PCDH9: variants seen among roughly 807,000 people sequenced by gnomAD.
The protein encoded by PCDH9 is protocadherin-9.
PCDH9 carries 24 observed loss-of-function variants against 70.6 expected under a neutral mutation model. That is an observed-to-expected ratio of 0.34 (90% confidence interval 0.25 to 0.48). The LOEUF (loss-of-function observed/expected upper bound fraction) is 0.48, where lower values mean the gene tolerates loss of function less well. PCDH9 is among the 20% of genes least tolerant of loss of function. The pLI, the probability that PCDH9 is intolerant of heterozygous loss-of-function variation, is 0.99. For missense variants in PCDH9, 1,281 were observed against 1,503.6 expected (o/e 0.85, Z 2.45); for synonymous variants, 562 against 558.5 (o/e 1.01, Z -0.09).
chr13:66,930,730 GA>G (rs1184956493), intron 2 of PCDH9, among the ~76,000 whole-genome samples: 1 of 151,512 alleles, frequency 6.6e-6, no homozygotes, highest in Non-Finnish European at 1.5e-5. Flanking sequence ...CTTACATCTA[GA>G]AAAAAAACAA....
intron 3 of PCDH9, among the ~76,000 whole-genome samples, chr13:66,799,893 G>C (rs991565226): frequency 1.3e-5 from 2 of 152,078 alleles, no homozygotes; most frequent in Admixed American, 6.6e-5. Flanking sequence ...CATTGCCTGA[G>C]TCTGACTGTA....
At chr13:66,868,867 T>A (rs2081621957) in intron 3 of PCDH9, among the ~76,000 whole-genome samples, 1 of 152,136 alleles carries the variant, frequency 6.6e-6, no homozygotes, top group Non-Finnish European at 1.5e-5. Context: ...GAATTGTAGT[T>A]TTAAAACGTG....
chr13:66,407,446 G>C (rs1174866366), intron 4 of PCDH9, among the ~76,000 whole-genome samples: 4 of 152,128 alleles, frequency 2.6e-5, no homozygotes, highest in Non-Finnish European at 5.9e-5. Flanking sequence ...CCAATTGTGT[G>C]GTCTGGCCTT....
intron 3 of PCDH9, among the ~76,000 whole-genome samples, chr13:66,884,906 A>G (rs2081982972): frequency 6.6e-6 from 1 of 152,152 alleles, no homozygotes; most frequent in African/African-American, 2.4e-5. Context: ...TTATATTCTT[A>G]TATTCTATTA....
At chr13:67,091,059 T>C (rs1398334609) in intron 2 of PCDH9, among the ~76,000 whole-genome samples, 2 of 152,092 alleles carry the variant, frequency 1.3e-5, no homozygotes, top group Non-Finnish European at 2.9e-5. Context: ...GATCTGGCAG[T>C]GGTTATGAAA....
rs142249884 is a variant in PCDH9 at position 67,199,050 on chromosome 13, T to G, written c.3036+26355A>C. ...TAACATGTCTTAAAATCTGATTGTA[T>G]AAAAGATAACTAAACTGATCATATT... is the stretch of plus-strand genomic sequence containing the variant. On this transcript the variant is annotated intron_variant, in intron 2 of 4. Coordinates refer to ENST00000377865, the MANE Select transcript of PCDH9 (RefSeq NM_203487.3). 3.1e-3 allele frequency among the ~76,000 whole-genome samples: 467 copies of G among 151,774 alleles called. 1 individual carries two copies. Among genetic ancestry groups the G allele is most frequent in the African/African-American group, 0.011 (457 of 41,572 alleles).
intron 4 of PCDH9, among the ~76,000 whole-genome samples, chr13:66,561,907 T>A (rs1962062830): frequency 6.6e-6 from 1 of 152,100 alleles, no homozygotes. Context: ...TCTTTCGCTC[T>A]TGGCAATAAA....
At chr13:67,043,328 G>A (rs1220131866) in intron 2 of PCDH9, among the ~76,000 whole-genome samples, 1 of 152,132 alleles carries the variant, frequency 6.6e-6, no homozygotes, top group Non-Finnish European at 1.5e-5. Context: ...GTGGCATGAA[G>A]CAAGCCAGTT....
At chr13:66,497,146 C>A (rs1959129711) in intron 4 of PCDH9, among the ~76,000 whole-genome samples, 1 of 151,848 alleles carries the variant, frequency 6.6e-6, no homozygotes, top group Admixed American at 6.6e-5. Context: ...TGGCTCACTG[C>A]AACCTCCTCT....
chr13:66,619,143 T>C (rs1011566509), intron 4 of PCDH9, among the ~76,000 whole-genome samples: 6 of 152,162 alleles, frequency 3.9e-5, no homozygotes, highest in African/African-American at 1.4e-4. Flanking sequence ...CTACATTAAG[T>C]AATATTATAG....
At chr13:67,050,372 C>T (rs372111653) in intron 2 of PCDH9, among the ~76,000 whole-genome samples, 18 of 152,242 alleles carry the variant, frequency 1.2e-4, no homozygotes, top group African/African-American at 4.1e-4. Flanking sequence ...TCAGTTCCTA[C>T]CATATTGGTA....
chr13:66,361,160 C>T (rs1019932947), intron 4 of PCDH9, among the ~76,000 whole-genome samples: 1 of 152,192 alleles, frequency 6.6e-6, no homozygotes, highest in African/African-American at 2.4e-5. Context: ...ACTGGATCTA[C>T]GGACCCACAA....
At chr13:66,875,379 A>G (rs2081786714) in intron 3 of PCDH9, among the ~76,000 whole-genome samples, 1 of 152,172 alleles carries the variant, frequency 6.6e-6, no homozygotes, top group Non-Finnish European at 1.5e-5. Flanking sequence ...ATTCAAGCAT[A>G]TGTTATGCTT....
intron 2 of PCDH9, among the ~76,000 whole-genome samples, chr13:67,109,923 T>C (rs2086621703): frequency 6.6e-6 from 1 of 152,174 alleles, no homozygotes; most frequent in South Asian, 2.1e-4. Flanking sequence ...TACAATATTG[T>C]TATTTTTAAC....
chr13:66,743,613 G>T (rs1314810597), intron 3 of PCDH9, among the ~76,000 whole-genome samples: 2 of 151,990 alleles, frequency 1.3e-5, no homozygotes, highest in African/African-American at 4.8e-5. Context: ...ACAATGTATT[G>T]TATGCTCAAA....
In PCDH9 at chr13:66,949,193, A is replaced by G. The variant is rs1006066630; in HGVS notation, c.3037-45588T>C. Reference sequence around the variant, plus strand: ...GATTCTAGCATTTATCCAAAATGGTATTTCCCTTTTAGGTGTGCATTATAG... The same window carrying G: ...GATTCTAGCATTTATCCAAAATGGTGTTTCCCTTTTAGGTGTGCATTATAG... On this transcript the variant is annotated intron_variant, in intron 2 of 4. Coordinates refer to ENST00000377865, the MANE Select transcript of PCDH9 (RefSeq NM_203487.3). Among the ~76,000 whole-genome samples the G allele has an allele frequency of 2.6e-5, 4 of 152,150 alleles. No homozygotes were observed. In the South Asian group the frequency reaches 8.3e-4, roughly 31 times the overall value.
intron 1 of PCDH9, 38 bp from the exon 2 acceptor site, chr13:67,228,613 T>C: frequency 2.2e-6 from 1 of 464,892 alleles, no homozygotes; most frequent in Non-Finnish European, 3.8e-6. Context: ...TATTCTTCAG[T>C]AAATAAAAAC....
At chr13:67,067,827 AACT>A (rs1305524948) in intron 2 of PCDH9, among the ~76,000 whole-genome samples, 1 of 151,936 alleles carries the variant, frequency 6.6e-6, no homozygotes, top group African/African-American at 2.4e-5. Flanking sequence ...AAAGATTGAA[AACT>A]AGTTTGGTAG....
intron 2 of PCDH9, among the ~76,000 whole-genome samples, chr13:67,088,910 T>C (rs1017737396): frequency 1.3e-5 from 2 of 152,032 alleles, no homozygotes; most frequent in African/African-American, 2.4e-5. Flanking sequence ...ATTTGTGGCA[T>C]GAAAGAAGAG....
Sources: allele counts gnomAD v4.1 joint callset (sites outside exome capture counted in the v4.1 genomes callset), GRCh38; gene constraint gnomAD v4.1.1; transcripts MANE v1.5; gene names NCBI Gene and HGNC (gene_info 2026-07-23, HGNC 2026-07-21).